NRXN3: variants seen among roughly 807,000 people sequenced by gnomAD.
The protein encoded by NRXN3 is neurexin III.
In NRXN3, 32 loss-of-function variants were observed where a neutral mutation model predicts 137.6. The observed-to-expected ratio is 0.23, with a 90% CI of 0.18 to 0.31. The LOEUF (loss-of-function observed/expected upper bound fraction) is 0.31. NRXN3 is among the 10% of genes least tolerant of loss of function. The pLI is 1.00. For missense variants in NRXN3, 1,574 were observed against 2,062.5 expected (o/e 0.76, Z 4.59); for synonymous variants, 798 against 784.5 (o/e 1.02, Z -0.29).
At chr14:78,416,423 C>G (rs1426733063) in intron 4 of NRXN3, among the ~76,000 whole-genome samples, 4 of 152,042 alleles carry the variant, frequency 2.6e-5, no homozygotes, top group African/African-American at 7.2e-5. Flanking sequence ...CTCACATGAA[C>G]CAGGACAAAC....
intron 10 of NRXN3, among the ~76,000 whole-genome samples, chr14:78,892,534 G>A (rs1227735089): frequency 2.0e-5 from 3 of 151,544 alleles, no homozygotes; most frequent in Admixed American, 1.3e-4. Context: ...GAAGAAGTGT[G>A]ATCAAAACTA....
chr14:79,025,009 G>T (rs1173437625), intron 15 of NRXN3, among the ~76,000 whole-genome samples: 3 of 152,096 alleles, frequency 2.0e-5, no homozygotes, highest in Non-Finnish European at 4.4e-5. Flanking sequence ...GATGGCCCTG[G>T]ATGTGACTGC....
chr14:78,606,373 C>T (rs1053270190), intron 4 of NRXN3, among the ~76,000 whole-genome samples: 15 of 152,060 alleles, frequency 9.9e-5, no homozygotes, highest in Non-Finnish European at 2.2e-4. Context: ...ATTTCCTTGG[C>T]CTGGAAACTC....
intron 15 of NRXN3, among the ~76,000 whole-genome samples, chr14:79,346,294 A>C (rs1240829638): frequency 6.6e-6 from 1 of 152,080 alleles, no homozygotes; most frequent in African/African-American, 2.4e-5. Flanking sequence ...TGGTGGTGGC[A>C]CCTGTAATCC....
At chr14:79,003,193 G>A (rs2099545310) in intron 15 of NRXN3, among the ~76,000 whole-genome samples, 1 of 151,990 alleles carries the variant, frequency 6.6e-6, no homozygotes, top group African/African-American at 2.4e-5. Flanking sequence ...GAGGTGTTCT[G>A]GTGTCTTTAG....
intron 4 of NRXN3, among the ~76,000 whole-genome samples, chr14:78,533,792 C>T (rs920101351): frequency 7.9e-5 from 12 of 152,228 alleles, no homozygotes; most frequent in African/African-American, 2.9e-4. Flanking sequence ...GAAGCACCTT[C>T]CTTTCTGTTG....
At chr14:79,314,650 G>T (rs1415768707) in intron 15 of NRXN3, among the ~76,000 whole-genome samples, 1 of 129,276 alleles carries the variant, frequency 7.7e-6, no homozygotes, top group Admixed American at 8.2e-5. Flanking sequence ...AACCTCTGCA[G>T]ACTTAAGTGT....
intron 16 of NRXN3, among the ~76,000 whole-genome samples, chr14:79,545,016 A>G (rs1353127994): frequency 6.6e-6 from 1 of 152,200 alleles, no homozygotes; most frequent in Non-Finnish European, 1.5e-5. Context: ...TATAGTAGAG[A>G]TAACCAAGAT....
chr14:79,085,392 C>G (rs933265381), intron 15 of NRXN3, among the ~76,000 whole-genome samples: 2 of 151,992 alleles, frequency 1.3e-5, no homozygotes, highest in Non-Finnish European at 2.9e-5. Flanking sequence ...ACTATTAAAG[C>G]TATTTGAATT....
intron 10 of NRXN3, among the ~76,000 whole-genome samples, chr14:78,876,185 C>A (rs1286203285): frequency 6.6e-6 from 1 of 152,138 alleles, no homozygotes; most frequent in Non-Finnish European, 1.5e-5. Context: ...AGTAAAGCAT[C>A]TTTTAAAACA....
intron 15 of NRXN3, among the ~76,000 whole-genome samples, chr14:79,163,450 C>T (rs1240200323): frequency 6.6e-6 from 1 of 151,946 alleles, no homozygotes; most frequent in Non-Finnish European, 1.5e-5. Context: ...TAATTCTTAA[C>T]AAAACCATAT....
chr14:79,504,359 AT>A (rs1278871248), intron 16 of NRXN3, among the ~76,000 whole-genome samples: 2 of 151,998 alleles, frequency 1.3e-5, no homozygotes, highest in Non-Finnish European at 2.9e-5. Flanking sequence ...AATTTTATCT[AT>A]TTTAATGTTC....
At chr14:79,213,482 A>G (rs979729482) in intron 15 of NRXN3, among the ~76,000 whole-genome samples, 1 of 152,190 alleles carries the variant, frequency 6.6e-6, no homozygotes, top group Non-Finnish European at 1.5e-5. Context: ...AATACATTGT[A>G]TCACAAATTA....
intron 4 of NRXN3, among the ~76,000 whole-genome samples, chr14:78,391,238 G>A (rs796660165): frequency 7.2e-5 from 11 of 152,258 alleles, no homozygotes; most frequent in African/African-American, 2.6e-4. Context: ...ATTAGCTGAG[G>A]GCTCAAGATA....
chr14:79,599,235 T>G (rs770621058), intron 16 of NRXN3, among the ~76,000 whole-genome samples: 36 of 152,298 alleles, frequency 2.4e-4, no homozygotes, highest in South Asian at 1.0e-3. Context: ...AGGATGACAT[T>G]CATTTGGTTC....
chr14:79,146,177 A>C (rs367744595), intron 15 of NRXN3, among the ~76,000 whole-genome samples: 2 of 152,192 alleles, frequency 1.3e-5, no homozygotes, highest in African/African-American at 4.8e-5. Flanking sequence ...AGGAAGTAGG[A>C]TTCAGAGAAA....
intron 15 of NRXN3, among the ~76,000 whole-genome samples, chr14:79,349,829 T>C (rs1310848917): frequency 1.3e-5 from 2 of 152,078 alleles, no homozygotes; most frequent in Non-Finnish European, 2.9e-5. Context: ...AAGAAGATTA[T>C]GCAAAGAGAC....
intron 15 of NRXN3, among the ~76,000 whole-genome samples, chr14:79,207,137 A>C (rs2066901212): frequency 6.6e-6 from 1 of 152,162 alleles, no homozygotes; most frequent in Admixed American, 6.5e-5. Flanking sequence ...ATCAATGAGA[A>C]ATCTTCTGCA....
At chr14:79,403,260 T>TG (rs2095247300) in intron 15 of NRXN3, among the ~76,000 whole-genome samples, 1 of 152,186 alleles carries the variant, frequency 6.6e-6, no homozygotes, top group Non-Finnish European at 1.5e-5. Flanking sequence ...GACATATGCA[T>TG]GGGCCTCCTT....
Sources: allele counts gnomAD v4.1 joint callset (sites outside exome capture counted in the v4.1 genomes callset), GRCh38; gene constraint gnomAD v4.1.1; transcripts MANE v1.5; gene names NCBI Gene and HGNC (gene_info 2026-07-23, HGNC 2026-07-21).